ARHGAP15: variants seen among roughly 807,000 people sequenced by gnomAD.
ARHGAP15 encodes Rho GTPase activating protein 15.
In ARHGAP15, 51 loss-of-function variants were observed where a neutral mutation model predicts 63.7. The ratio of observed to expected loss-of-function variants is 0.80; its 90% CI spans 0.64 to 1.01. The LOEUF (loss-of-function observed/expected upper bound fraction) is 1.01, where lower values mean the gene tolerates loss of function less well. ARHGAP15 is among the 50% of genes least tolerant of loss of function. The pLI is 0.00. For synonymous variants in ARHGAP15, 191 were observed against 193.8 expected, an observed-to-expected ratio of 0.99 and a Z score of 0.12; for missense variants, 560 against 564.6, an observed-to-expected ratio of 0.99 and a Z score of 0.08.
At chr2:143,541,191 C>T (rs1314610733) in intron 10 of ARHGAP15, among the ~76,000 whole-genome samples, 2 of 152,198 alleles carry the variant, frequency 1.3e-5, no homozygotes, top group East Asian at 3.8e-4. Flanking sequence ...CTTGTGTATT[C>T]ATCATGTAGT....
intron 2 of ARHGAP15, among the ~76,000 whole-genome samples, chr2:143,167,515 C>G (rs148549425): frequency 3.3e-5 from 5 of 152,170 alleles, no homozygotes; most frequent in African/African-American, 9.6e-5. Context: ...TGGTTTCTCA[C>G]TTTTTGACTG....
At chr2:143,736,890 A>G (rs759543566) in intron 13 of ARHGAP15, among the ~76,000 whole-genome samples, 11 of 152,252 alleles carry the variant, frequency 7.2e-5, no homozygotes, top group Non-Finnish European at 1.3e-4. Flanking sequence ...GAGTTCACCC[A>G]GATCTATCCC....
At chr2:143,346,196 T>A (rs905850508) in intron 6 of ARHGAP15, among the ~76,000 whole-genome samples, 7 of 142,556 alleles carry the variant, frequency 4.9e-5, no homozygotes, top group East Asian at 2.0e-4. Flanking sequence ...ACACACACTC[T>A]CTCTCTCACA....
intron 9 of ARHGAP15, among the ~76,000 whole-genome samples, chr2:143,517,245 C>T (rs1013983016): frequency 1.3e-5 from 2 of 152,138 alleles, no homozygotes; most frequent in Non-Finnish European, 2.9e-5. Context: ...CCATGCCCGG[C>T]CTGGAGTATA....
intron 1 of ARHGAP15, among the ~76,000 whole-genome samples, chr2:143,153,801 T>A (rs1234052209): frequency 1.2e-3 from 70 of 59,690 alleles, no homozygotes; most frequent in African/African-American, 4.1e-3. Flanking sequence ...CTTCTTCTTC[T>A]TCTTCTTCTT....
At chr2:143,756,882 C>G (rs757427565) in intron 13 of ARHGAP15, among the ~76,000 whole-genome samples, 1 of 152,162 alleles carries the variant, frequency 6.6e-6, no homozygotes, top group Non-Finnish European at 1.5e-5. Flanking sequence ...TTGACTCTGA[C>G]TCACTTTTTT....
chr2:143,408,868 A>G (rs1688324871), intron 6 of ARHGAP15, among the ~76,000 whole-genome samples: 1 of 151,890 alleles, frequency 6.6e-6, no homozygotes, highest in African/African-American at 2.4e-5. Flanking sequence ...TGGTTTGGGA[A>G]GGAAGAATGA....
intron 11 of ARHGAP15, among the ~76,000 whole-genome samples, chr2:143,603,569 T>C (rs1697861252): frequency 6.6e-6 from 1 of 152,180 alleles, no homozygotes; most frequent in Non-Finnish European, 1.5e-5. Flanking sequence ...CTTCTGTCCC[T>C]TTAAGGCATC....
At chr2:143,763,396 T>C (rs988453564) in intron 13 of ARHGAP15, among the ~76,000 whole-genome samples, 13 of 152,060 alleles carry the variant, frequency 8.5e-5, no homozygotes, top group African/African-American at 3.1e-4. Context: ...TTGGGGGCCT[T>C]CTTTGCTGGA....
At chr2:143,174,904 T>A (rs2105056702) in intron 2 of ARHGAP15, among the ~76,000 whole-genome samples, 1 of 152,190 alleles carries the variant, frequency 6.6e-6, no homozygotes, top group African/African-American at 2.4e-5. Context: ...ATTGATCAAA[T>A]GGGAAGAAAA....
At chr2:143,550,105 A>C (rs1405631017) in intron 10 of ARHGAP15, among the ~76,000 whole-genome samples, 1 of 152,228 alleles carries the variant, frequency 6.6e-6, no homozygotes, top group Non-Finnish European at 1.5e-5. Flanking sequence ...GATGGGGAGC[A>C]CATATGAGTG....
intron 13 of ARHGAP15, among the ~76,000 whole-genome samples, chr2:143,760,882 G>A (rs1404167709): frequency 1.3e-5 from 2 of 152,084 alleles, no homozygotes; most frequent in Admixed American, 6.5e-5. Context: ...TTTTCAATTT[G>A]TTTAAGCTAA....
chr2:143,678,660 T>TA (rs2105365714), intron 12 of ARHGAP15, among the ~76,000 whole-genome samples: 1 of 152,346 alleles, frequency 6.6e-6, no homozygotes, highest in East Asian at 1.9e-4. Context: ...TTCCAAGGTC[T>TA]ACTCCAACTC....
chr2:143,703,716 T>C (rs1684197324), intron 13 of ARHGAP15, 192 bp downstream of exon 13: 3 of 479,704 alleles, frequency 6.3e-6, no homozygotes, highest in Non-Finnish European at 1.1e-5. Context: ...AAAAGGAACT[T>C]CTGAAATAAC....
At chr2:143,519,481 G>A (rs1287465801) in intron 10 of ARHGAP15, 117 bp downstream of exon 10, 12 of 702,356 alleles carry the variant, frequency 1.7e-5, no homozygotes, top group Non-Finnish European at 2.9e-5. Flanking sequence ...AACTTGACTT[G>A]TGTTAATCGG....
intron 8 of ARHGAP15, chr2:143,480,925 A>G (rs1172403101): frequency 6.6e-6 from 1 of 152,218 alleles, no homozygotes; most frequent in Non-Finnish European, 1.5e-5. Flanking sequence ...AATTTGGGAT[A>G]AGGTGCTCTT....
chr2:143,218,254 TAA>T lies in ARHGAP15; in HGVS notation c.296+1811_296+1812del, dbSNP rs563823484. Among the ~76,000 whole-genome samples the T allele has an allele frequency of 5.2e-4, 79 of 150,776 alleles. 1 individual carries two copies. The highest frequency in any genetic ancestry group is 1.8e-3 in the African/African-American group (73 of 41,206). ...ATGCATTCTTTCAGCCTTTTCCACT[TAA>T]AGTTATATGTTTTAGTTTTCCTTTT... On this transcript the variant is annotated intron_variant, in intron 4 of 13. Coordinates refer to ENST00000295095, the MANE Select transcript of ARHGAP15 (RefSeq NM_018460.4).
At chr2:143,451,435 T>A (rs1690403376) in intron 8 of ARHGAP15, among the ~76,000 whole-genome samples, 1 of 151,916 alleles carries the variant, frequency 6.6e-6, no homozygotes, top group African/African-American at 2.4e-5. Flanking sequence ...AAAAGGTAAA[T>A]TTAACATTAA....
chr2:143,262,535 A>ATTTTTTTTTTTTTTTTTTTTT (rs67267617), intron 6 of ARHGAP15, among the ~76,000 whole-genome samples: 4 of 90,920 alleles, frequency 4.4e-5, no homozygotes, highest in African/African-American at 1.9e-4. Flanking sequence ...TGAACCTTTG[A>ATTTTTTTTTTTTTTTTTTTTT]TTTTTTTTTT....
Sources: allele counts gnomAD v4.1 joint callset (sites outside exome capture counted in the v4.1 genomes callset), GRCh38; gene constraint gnomAD v4.1.1; transcripts MANE v1.5; gene names NCBI Gene and HGNC (gene_info 2026-07-23, HGNC 2026-07-21).